The following DENND1B variants were observed in gnomAD, a reference collection of about 807,000 sequenced individuals.
The protein encoded by DENND1B is DENN domain containing 1B.
In DENND1B, 59 loss-of-function variants were observed where a neutral mutation model predicts 90.1. The observed-to-expected ratio is 0.65, with a 90% CI of 0.53 to 0.81. The LOEUF (loss-of-function observed/expected upper bound fraction) is 0.81. Ranked by LOEUF, DENND1B falls within the 40% of genes least tolerant of loss-of-function variation. DENND1B has a pLI of 0.00. For missense variants in DENND1B, 862 were observed against 912.6 expected (o/e 0.94, Z 0.71); for synonymous variants, 337 against 324.6 (o/e 1.04, Z -0.41).
intron 12 of DENND1B, among the ~76,000 whole-genome samples, chr1:197,608,263 A>G (rs1190779995): frequency 1.3e-5 from 2 of 150,674 alleles, no homozygotes; most frequent in Non-Finnish European, 3.0e-5. Flanking sequence ...AAGCAATGGT[A>G]GTCTAAAGCA....
intron 10 of DENND1B, among the ~76,000 whole-genome samples, chr1:197,630,521 C>T (rs935683341): frequency 3.9e-5 from 6 of 152,030 alleles, no homozygotes; most frequent in Non-Finnish European, 8.8e-5. Flanking sequence ...TCCAAAAATA[C>T]AAATTTTAGG....
intron 15 of DENND1B, among the ~76,000 whole-genome samples, chr1:197,555,163 G>T (rs1005412288): frequency 1.3e-5 from 2 of 151,778 alleles, no homozygotes; most frequent in Middle Eastern, 3.2e-3. Flanking sequence ...TACATCTCAA[G>T]ATATATTAAA....
chr1:197,586,004 C>A (rs1674660990), intron 14 of DENND1B, among the ~76,000 whole-genome samples: 1 of 152,116 alleles, frequency 6.6e-6, no homozygotes, highest in Non-Finnish European at 1.5e-5. Flanking sequence ...GTGGCAAAAT[C>A]AATAGGACTA....
intron 15 of DENND1B, among the ~76,000 whole-genome samples, chr1:197,574,792 A>T (rs61829278): frequency 6.6e-6 from 1 of 152,006 alleles, no homozygotes; most frequent in Non-Finnish European, 1.5e-5. Context: ...ACACCACACA[A>T]CTACAACCAT....
chr1:197,751,481 G>A (rs1558479609), intron 2 of DENND1B, among the ~76,000 whole-genome samples: 1 of 151,960 alleles, frequency 6.6e-6, no homozygotes, highest in Admixed American at 6.6e-5. Flanking sequence ...AAAAAGAAAG[G>A]TTTAAAAATT....
At chr1:197,679,969 G>A (rs1656508187) in intron 3 of DENND1B, among the ~76,000 whole-genome samples, 1 of 151,380 alleles carries the variant, frequency 6.6e-6, no homozygotes, top group South Asian at 2.1e-4. Flanking sequence ...GGGCAACATG[G>A]TGAAACCCTG....
rs1667813826 is a variant in DENND1B at position 197,508,176 on chromosome 1, TCTGAAAAAAACAAACAAAAAA to T, written c.*2263_*2283del. On this transcript the variant is annotated 3_prime_UTR_variant, in exon 23 of 23. Coordinates refer to ENST00000620048, the MANE Select transcript of DENND1B (RefSeq NM_001195215.2). ...CTCACAGTTGTTTTTCAGACTGAGTTCTGAAAAAAACAAACAAAAAACCATACCTCATTTCAAAATTCATAT... is the reference window on the plus strand; with the variant it reads ...CTCACAGTTGTTTTTCAGACTGAGTTCCATACCTCATTTCAAAATTCATAT... The T allele has an allele frequency of 6.6e-6, 1 of 151,554 alleles. No individual in the cohort carries two copies. The highest frequency in any genetic ancestry group is 2.1e-4 in the South Asian group (1 of 4,832). 9.4% of individuals were successfully genotyped at this position (151,554 alleles called of 1,614,324 possible). A position where few individuals can be genotyped will look rare whatever the true frequency, so the allele number is the denominator to read the frequency against.
intron 10 of DENND1B, among the ~76,000 whole-genome samples, chr1:197,620,019 T>C (rs968506368): frequency 6.6e-6 from 1 of 151,284 alleles, no homozygotes; most frequent in African/African-American, 2.4e-5. Flanking sequence ...CAGAATGAAT[T>C]ATTAAAGGTA....
intron 2 of DENND1B, among the ~76,000 whole-genome samples, chr1:197,729,498 G>C (rs965192191): frequency 2.0e-5 from 3 of 152,088 alleles, no homozygotes; most frequent in Admixed American, 6.5e-5. Flanking sequence ...ACCAAAGAGA[G>C]GGAAGTGATC....
intron 18 of DENND1B, among the ~76,000 whole-genome samples, chr1:197,542,992 T>C (rs1670455140): frequency 6.6e-6 from 1 of 152,032 alleles, no homozygotes. Context: ...TGGAGTGCAG[T>C]GGCACAATCT....
At chr1:197,606,880 T>C (rs1159844419) in intron 13 of DENND1B, 193 bp downstream of exon 13, 10 of 541,460 alleles carry the variant, frequency 1.8e-5, no homozygotes, top group South Asian at 1.2e-4. Flanking sequence ...ATAAGGAATA[T>C]GATGTTCCAT....
chr1:197,565,860 G>T (rs921138084), intron 15 of DENND1B, among the ~76,000 whole-genome samples: 75 of 149,086 alleles, frequency 5.0e-4, no homozygotes, highest in African/African-American at 1.8e-3. Flanking sequence ...TGGTGTATAT[G>T]TGCCACATTT....
Position 197,647,077 on chromosome 1 carries a change from T to C in DENND1B, c.485A>G (p.Lys162Arg). 6.8e-7 allele frequency: 1 copy of C among 1,464,714 alleles called. No homozygotes were observed. Among genetic ancestry groups the C allele is most frequent in the Non-Finnish European group, 9.0e-7 (1 of 1,116,234 alleles). The allele number at this position is 1,464,714 out of a possible 1,614,324, so 90.7% of individuals were successfully genotyped here. A position where few individuals can be genotyped will look rare whatever the true frequency, so the allele number is the denominator to read the frequency against. Residue 162 changes from lysine (K) to arginine (R), a missense_variant, in exon 8 of 23, where the codon AAA becomes AGA. By Grantham distance (26) the Lys-to-Arg change is conservative. Transcript: ENST00000620048. ...CACCGGTACTAGAGCAGGCTGATCT[T>C]TCAGAACTTGCTCACAGGCAATAAA... ...EIFIACEQVL[K>R]DQPALVPHSY...
Position 197,773,092 on chromosome 1 carries a change from A to C in DENND1B, c.18-160T>G, listed in dbSNP as rs550888740. 1.2e-5 allele frequency: 8 copies of C among 683,010 alleles called. No homozygotes were observed. The South Asian group carries it at 1.4e-4, about 12-fold the overall frequency. 42.3% of individuals were successfully genotyped at this position (683,010 alleles called of 1,614,324 possible). A position where few individuals can be genotyped will look rare whatever the true frequency, so the allele number is the denominator to read the frequency against. The stretch of plus-strand genomic sequence containing the variant: ...GAAATAACAATGAAACTGTTTTCTC[A>C]ATTGAGCAACTTAAAAGAGCTGAGA... On this transcript the variant is annotated intron_variant, in intron 1 of 22. Transcript: ENST00000620048.
chr1:197,580,087 CTTTTTTTTT>C (rs139056668), intron 15 of DENND1B, among the ~76,000 whole-genome samples: 1 of 76,744 alleles, frequency 1.3e-5, no homozygotes, highest in Non-Finnish European at 2.3e-5. Flanking sequence ...TTCTTTCTTT[CTTTTTTTTT>C]TTTTTTTTTT....
At chr1:197,730,448 AT>A (rs1662047046) in intron 2 of DENND1B, among the ~76,000 whole-genome samples, 1 of 152,164 alleles carries the variant, frequency 6.6e-6, no homozygotes. Context: ...AATCCAGAAT[AT>A]TTATGAAAAC....
intron 5 of DENND1B, among the ~76,000 whole-genome samples, chr1:197,666,106 A>T (rs1467422713): frequency 6.6e-6 from 1 of 152,194 alleles, no homozygotes; most frequent in Non-Finnish European, 1.5e-5. Context: ...TAAGAAAGTG[A>T]TTAAATATAA....
intron 11 of DENND1B, among the ~76,000 whole-genome samples, chr1:197,614,096 A>G (rs1469515625): frequency 6.8e-6 from 1 of 147,634 alleles, no homozygotes; most frequent in Non-Finnish European, 1.5e-5. Context: ...TTTAAACTTT[A>G]TGGAAGATAT....
rs1223905623 is a variant in DENND1B at position 197,508,379 on chromosome 1, G to T, written c.*2081C>A. The T allele has an allele frequency of 2.6e-5, 4 of 151,430 alleles. No homozygotes were observed. Among genetic ancestry groups the T allele is most frequent in the Admixed American group, 6.6e-5 (1 of 15,146 alleles). The allele number at this position is 151,430 out of a possible 1,614,324, so 9.4% of individuals were successfully genotyped here. A position where few individuals can be genotyped will look rare whatever the true frequency, so the allele number is the denominator to read the frequency against. On this transcript the variant is annotated 3_prime_UTR_variant, in exon 23 of 23. Transcript: ENST00000620048. ...CTTCAGTAAAGTAAGTTGTAATTTTGTAATAAGCTTATAAAGGCAAAATTT... is the reference window on the plus strand; with the variant it reads ...CTTCAGTAAAGTAAGTTGTAATTTTTTAATAAGCTTATAAAGGCAAAATTT...
Sources: allele counts gnomAD v4.1 joint callset (sites outside exome capture counted in the v4.1 genomes callset), GRCh38; gene constraint gnomAD v4.1.1; transcripts MANE v1.5; gene names NCBI Gene and HGNC (gene_info 2026-07-23, HGNC 2026-07-21).